The following AJAP1 variants were observed in gnomAD, a reference collection of about 807,000 sequenced individuals.
AJAP1 encodes adherens junction-associated protein 1.
Under a neutral mutation model 35.0 loss-of-function variants are expected in AJAP1, and 5 were observed. That is an observed-to-expected ratio of 0.14 (90% CI 0.07 to 0.30). AJAP1 has a LOEUF of 0.30. Ranked by LOEUF, AJAP1 falls within the 10% of genes least tolerant of loss-of-function variation. AJAP1 has a pLI of 1.00. For synonymous variants in AJAP1, 284 were observed against 249.3 expected, an observed-to-expected ratio of 1.14 and a Z score of -1.31; for missense variants, 586 against 571.0, an observed-to-expected ratio of 1.03 and a Z score of -0.27.
intron 1 of AJAP1, among the ~76,000 whole-genome samples, chr1:4,662,715 T>C (rs1277819046): frequency 6.6e-6 from 1 of 152,130 alleles, no homozygotes; most frequent in Non-Finnish European, 1.5e-5. Context: ...TGGGATAGGC[T>C]CCTCCCTCTT....
chr1:4,771,316 A>G (rs1641828893), intron 3 of AJAP1, among the ~76,000 whole-genome samples: 1 of 152,202 alleles, frequency 6.6e-6, no homozygotes, highest in South Asian at 2.1e-4. Flanking sequence ...TTCTCCAGGA[A>G]TCAGGATTCC....
At chr1:4,703,710 G>T (rs939339958) in intron 1 of AJAP1, among the ~76,000 whole-genome samples, 19 of 152,208 alleles carry the variant, frequency 1.2e-4, no homozygotes, top group Non-Finnish European at 2.4e-4. Flanking sequence ...AAGATCAGGG[G>T]TTGGGTATGG....
rs958099091 is a variant in AJAP1 at position 4,789,172 on chromosome 1, CG to C, written c.*6692del. The C allele has an allele frequency of 2.2e-4, 34 of 152,176 alleles. No homozygotes were observed. Among genetic ancestry groups the C allele is most frequent in the African/African-American group, 8.2e-4 (34 of 41,506 alleles). The allele number at this position is 152,176 out of a possible 1,614,324, so 9.4% of individuals were successfully genotyped here. A position where few individuals can be genotyped will look rare whatever the true frequency, so the allele number is the denominator to read the frequency against. The stretch of plus-strand genomic sequence containing the variant: ...ATAGAGATTAAACACTAGTGAGTAG[CG>C]GGGGAAGGGAACAGTGACTGTATAA... On this transcript the variant is annotated 3_prime_UTR_variant, in exon 6 of 6. Transcript: ENST00000378191. The surrounding 1 kb of genome is among the most constrained non-coding windows in gnomAD (Gnocchi z 4.4).
chr1:4,667,325 C>G (rs1020440051), intron 1 of AJAP1, among the ~76,000 whole-genome samples: 1 of 152,172 alleles, frequency 6.6e-6, no homozygotes, highest in Non-Finnish European at 1.5e-5. Context: ...TCCTGAGTCT[C>G]TTGCTGCTTC....
In AJAP1 at chr1:4,693,287, G is replaced by T. The variant is rs1334484809; in HGVS notation, c.30-18613G>T. ...AGGGGAGAAGCAGCCCGTGGTCAGG[G>T]GACGTCAGGGGCATGTGCTGATGGA... On this transcript the variant is annotated intron_variant, in intron 1 of 5. Transcript: ENST00000378191. This position sits in a 1 kb window ranked among gnomAD's most constrained non-coding sequence, Gnocchi z 4.4. 2.0e-5 allele frequency among the ~76,000 whole-genome samples: 3 copies of T among 152,064 alleles called. No individual in the cohort carries two copies. The highest frequency in any genetic ancestry group is 2.9e-5 in the Non-Finnish European group (2 of 67,998).
chr1:4,670,284 C>T (rs909046593), intron 1 of AJAP1, among the ~76,000 whole-genome samples: 1 of 152,170 alleles, frequency 6.6e-6, no homozygotes, highest in African/African-American at 2.4e-5. Context: ...TGAGAAGCAG[C>T]ACTTTTTATC....
chr1:4,657,029 G>T (rs930182477), intron 1 of AJAP1, among the ~76,000 whole-genome samples: 2 of 152,206 alleles, frequency 1.3e-5, no homozygotes, highest in African/African-American at 4.8e-5. Flanking sequence ...ACACTGGCCA[G>T]TGGCTGGTCT....
chr1:4,739,444 C>T (rs1038478246), intron 2 of AJAP1, among the ~76,000 whole-genome samples: 12 of 152,202 alleles, frequency 7.9e-5, no homozygotes, highest in African/African-American at 2.7e-4. Flanking sequence ...CCCCTACCCT[C>T]GTGTTAACTC....
intron 2 of AJAP1, among the ~76,000 whole-genome samples, chr1:4,760,012 C>T (rs1373873637): frequency 6.6e-6 from 1 of 152,176 alleles, no homozygotes; most frequent in Non-Finnish European, 1.5e-5. Context: ...ACTTCCTTCC[C>T]CCCAGCACTG....
At chr1:4,691,327 T>A (rs138978202) in intron 1 of AJAP1, among the ~76,000 whole-genome samples, 141 of 152,230 alleles carry the variant, frequency 9.3e-4, no homozygotes, top group Admixed American at 2.5e-3. Flanking sequence ...GCAGCCAGGG[T>A]CAGGCCGGGC....
chr1:4,769,804 C>G, intron 2 of AJAP1, 49 bp from the exon 3 acceptor site: 1 of 1,541,172 alleles, frequency 6.5e-7, no homozygotes, highest in East Asian at 2.2e-5. Flanking sequence ...CCCCTCGCCT[C>G]CTGAACCTGG....
Position 4,719,060 on chromosome 1 carries a change from T to G in AJAP1, c.829+6361T>G, listed in dbSNP as rs192968092. 3.3e-3 allele frequency among the ~76,000 whole-genome samples: 507 copies of G among 152,302 alleles called. 5 individuals are homozygous for G. Among genetic ancestry groups the G allele is most frequent in the African/African-American group, 0.012 (481 of 41,560 alleles). ...CAAAACCCTGGACTGATAACAAATC[T>G]GTTTGATATATAGTGGGTTGAATTC... On this transcript the variant is annotated intron_variant, in intron 2 of 5. Transcript: ENST00000378191.
Position 4,738,989 on chromosome 1 carries a change from C to T in AJAP1, c.829+26290C>T, listed in dbSNP as rs567403203. ...GGGGGCACATCTGGGGGTTTGGACA[C>T]CAAGTTCATGTTGGGAATTGAGATG... On this transcript the variant is annotated intron_variant, in intron 2 of 5. Coordinates refer to ENST00000378191, the MANE Select transcript of AJAP1 (RefSeq NM_018836.4). 3.9e-5 allele frequency among the ~76,000 whole-genome samples: 6 copies of T among 152,132 alleles called. No homozygotes were observed. The South Asian group carries it at 1.2e-3, about 32-fold the overall frequency.
At chr1:4,680,631 A>G (rs536720397) in intron 1 of AJAP1, among the ~76,000 whole-genome samples, 1 of 152,226 alleles carries the variant, frequency 6.6e-6, no homozygotes. Flanking sequence ...ATGTCCACTT[A>G]TCTCTCATGT....
At chr1:4,725,309 G>A (rs1191869776) in intron 2 of AJAP1, among the ~76,000 whole-genome samples, 1 of 152,196 alleles carries the variant, frequency 6.6e-6, no homozygotes, top group Non-Finnish European at 1.5e-5. Context: ...TCCCGTGTGT[G>A]GGGAAGGGAT....
In AJAP1 at chr1:4,784,427, G is replaced by A. The variant is rs1400224735; in HGVS notation, c.*1942G>A. 1 of 152,320 alleles carries A rather than the reference G, an allele frequency of 6.6e-6. No homozygotes were observed. The highest frequency in any genetic ancestry group is 1.9e-4 in the East Asian group (1 of 5,170). The allele number at this position is 152,320 out of a possible 1,614,324, so 9.4% of individuals were successfully genotyped here. A position where few individuals can be genotyped will look rare whatever the true frequency, so the allele number is the denominator to read the frequency against. ...AGTAGAGTGCATGAGCCAATTCAGT[G>A]AAATGTCACAGGCCAGGCAAAAAGG... On this transcript the variant is annotated 3_prime_UTR_variant, in exon 6 of 6. Transcript: ENST00000378191.
At chr1:4,726,674 C>G (rs1440264973) in intron 2 of AJAP1, among the ~76,000 whole-genome samples, 1 of 152,164 alleles carries the variant, frequency 6.6e-6, no homozygotes, top group South Asian at 2.1e-4. Flanking sequence ...GGTCTCCACT[C>G]TCCAGAAATC....
At chr1:4,749,375 C>T (rs889797171) in intron 2 of AJAP1, among the ~76,000 whole-genome samples, 1 of 152,218 alleles carries the variant, frequency 6.6e-6, no homozygotes, top group Admixed American at 6.5e-5. Context: ...AAAATCAAGA[C>T]AGCGTTCCTT....
At chr1:4,686,286 C>T (rs956562296) in intron 1 of AJAP1, among the ~76,000 whole-genome samples, 7 of 152,142 alleles carry the variant, frequency 4.6e-5, no homozygotes, top group African/African-American at 7.2e-5. Flanking sequence ...TTTGTTGTCT[C>T]GGTCTGGCAG....
Sources: allele counts gnomAD v4.1 joint callset (sites outside exome capture counted in the v4.1 genomes callset), GRCh38; gene constraint gnomAD v4.1.1; non-coding constraint Gnocchi (gnomAD v3.1); transcripts MANE v1.5; gene names NCBI Gene and HGNC (gene_info 2026-07-23, HGNC 2026-07-21).